PRKCB: variants seen among roughly 807,000 people sequenced by gnomAD.
PRKCB encodes the protein protein kinase C beta type.
In PRKCB, 13 loss-of-function variants were observed where a neutral mutation model predicts 81.5. That is an observed-to-expected ratio of 0.16 (90% CI 0.10 to 0.25). The LOEUF (loss-of-function observed/expected upper bound fraction) is 0.25. Ranked by LOEUF, PRKCB falls within the 10% of genes least tolerant of loss-of-function variation. The pLI is 1.00. For synonymous variants in PRKCB, 335 were observed against 321.4 expected (o/e 1.04, Z -0.45); for missense variants, 509 against 875.7 (o/e 0.58, Z 5.29).
At chr16:24,192,109 A>C (rs1277465920) in intron 16 of PRKCB, among the ~76,000 whole-genome samples, 1 of 152,274 alleles carries the variant, frequency 6.6e-6, no homozygotes, top group Non-Finnish European at 1.5e-5. Flanking sequence ...TTGAGTGTTA[A>C]GATGAAGAAG....
chr16:24,206,636 C>T (rs771688825), intron 16 of PRKCB, among the ~76,000 whole-genome samples: 3 of 152,194 alleles, frequency 2.0e-5, no homozygotes, highest in Non-Finnish European at 2.9e-5. Flanking sequence ...TCTTGCAGGT[C>T]CCACTCAAGT....
chr16:23,844,508 T>C (rs535454373), intron 2 of PRKCB, among the ~76,000 whole-genome samples: 1 of 152,304 alleles, frequency 6.6e-6, no homozygotes, highest in African/African-American at 2.4e-5. Context: ...ATTCTCCTTC[T>C]AAAAGTTCTT....
At chr16:23,931,391 G>A (rs561177356) in intron 2 of PRKCB, among the ~76,000 whole-genome samples, 1 of 152,324 alleles carries the variant, frequency 6.6e-6, no homozygotes, top group East Asian at 1.9e-4. Context: ...GTTTAAAATA[G>A]CCTGAGCTCA....
At chr16:23,946,946 T>A (rs1567322514) in intron 2 of PRKCB, among the ~76,000 whole-genome samples, 1 of 151,870 alleles carries the variant, frequency 6.6e-6, no homozygotes, top group Non-Finnish European at 1.5e-5. Flanking sequence ...ACCTCCACCT[T>A]CTAGGCTTAA....
intron 5 of PRKCB, among the ~76,000 whole-genome samples, chr16:24,065,067 A>G (rs1402682479): frequency 6.8e-6 from 1 of 148,144 alleles, no homozygotes; most frequent in Non-Finnish European, 1.5e-5. Flanking sequence ...ATAAATATAT[A>G]TATATTTTTC....
chr16:24,204,505 TA>T (rs2141989021), intron 16 of PRKCB, among the ~76,000 whole-genome samples: 1 of 152,228 alleles, frequency 6.6e-6, no homozygotes, highest in Admixed American at 6.5e-5. Context: ...ATCAAAGCTA[TA>T]AAAAGATAGG....
At chr16:23,945,789 A>C (rs1964198521) in intron 2 of PRKCB, among the ~76,000 whole-genome samples, 1 of 152,188 alleles carries the variant, frequency 6.6e-6, no homozygotes, top group Non-Finnish European at 1.5e-5. Context: ...AACAATGAAC[A>C]ACCCTGGTAT....
chr16:23,927,771 T>C (rs1963916529), intron 2 of PRKCB, among the ~76,000 whole-genome samples: 1 of 152,022 alleles, frequency 6.6e-6, no homozygotes, highest in Non-Finnish European at 1.5e-5. Context: ...GCTTGGGTAC[T>C]AGGTGCGCTG....
chr16:23,846,759 G>C (rs1165892039), intron 2 of PRKCB, among the ~76,000 whole-genome samples: 1 of 151,928 alleles, frequency 6.6e-6, no homozygotes, highest in African/African-American at 2.4e-5. Flanking sequence ...TGTGAACAGA[G>C]AAGGGAAGTT....
At chr16:24,027,881 C>T (rs1040845592) in intron 3 of PRKCB, among the ~76,000 whole-genome samples, 3 of 151,458 alleles carry the variant, frequency 2.0e-5, no homozygotes, top group Admixed American at 1.3e-4. Flanking sequence ...GTGATCCTCC[C>T]ACCTTGGCCT....
intron 8 of PRKCB, among the ~76,000 whole-genome samples, chr16:24,116,407 A>T (rs1210227372): frequency 6.6e-6 from 1 of 151,910 alleles, no homozygotes; most frequent in Non-Finnish European, 1.5e-5. Flanking sequence ...AAAAATATAT[A>T]TTTAAAAAAA....
chr16:23,856,385 T>C (rs901444466), intron 2 of PRKCB, among the ~76,000 whole-genome samples: 5 of 152,210 alleles, frequency 3.3e-5, no homozygotes, highest in Non-Finnish European at 7.3e-5. Flanking sequence ...TGAATTCTTC[T>C]ATGTATGTTT....
At position 24,106,029 on chromosome 16, in the gene PRKCB, T is replaced by A. The variant is rs533695103; in HGVS notation, c.822-6944T>A. 4.6e-5 allele frequency among the ~76,000 whole-genome samples: 7 copies of A among 152,062 alleles called. No homozygotes were observed. The East Asian group carries it at 1.2e-3, about 25-fold the overall frequency. On this transcript the variant is annotated intron_variant, in intron 7 of 16. Coordinates refer to ENST00000643927, the MANE Select transcript of PRKCB (RefSeq NM_002738.7). Reference sequence around the variant, plus strand: ...CTAAACAGATAACTATTATCTTAAATCAGTGTTATATTACTTTTTTTTAAA... The same window carrying A: ...CTAAACAGATAACTATTATCTTAAAACAGTGTTATATTACTTTTTTTTAAA...
chr16:23,871,604 G>A (rs1161926880), intron 2 of PRKCB, among the ~76,000 whole-genome samples: 1 of 151,792 alleles, frequency 6.6e-6, no homozygotes, highest in East Asian at 1.9e-4. Context: ...TTGAGACGGA[G>A]TCTCACTGTG....
At chr16:24,076,612 T>A (rs1366097977) in intron 5 of PRKCB, among the ~76,000 whole-genome samples, 1 of 152,186 alleles carries the variant, frequency 6.6e-6, no homozygotes, top group African/African-American at 2.4e-5. Context: ...AGGGTACAAG[T>A]GACAGAATTC....
chr16:23,873,034 A>T (rs3785402), intron 2 of PRKCB, among the ~76,000 whole-genome samples: 109,282 of 146,326 alleles, frequency 0.75, 40,389 homozygotes, highest in East Asian at 0.95. Context: ...AATAAAAAAT[A>T]AAAAAAAAAT....
intron 2 of PRKCB, among the ~76,000 whole-genome samples, chr16:23,843,961 GCA>G (rs149946845): frequency 1.5e-4 from 22 of 151,534 alleles, no homozygotes; most frequent in African/African-American, 3.4e-4. Context: ...CATCACACAT[GCA>G]CACACACACA....
rs1567417116 is a variant in PRKCB at position 24,218,245 on chromosome 16, G to A, written c.*3429G>A. ...ATTAAAGGATGCTAAAGTGTGACTT[G>A]TGGGGATTGGGAGAGAGATGCACAG... On this transcript the variant is annotated 3_prime_UTR_variant, in exon 17 of 17. Coordinates refer to ENST00000643927, the MANE Select transcript of PRKCB (RefSeq NM_002738.7). 18 of 985,398 alleles carry A rather than the reference G, an allele frequency of 1.8e-5. No homozygotes were observed. Among genetic ancestry groups the A allele is most frequent in the Non-Finnish European group, 2.0e-5 (17 of 829,940 alleles). The allele number at this position is 985,398 out of a possible 1,614,324, so 61.0% of individuals were successfully genotyped here. A position where few individuals can be genotyped will look rare whatever the true frequency, so the allele number is the denominator to read the frequency against.
chr16:24,180,702 A>G, intron 12 of PRKCB, 88 bp from the exon 13 acceptor site: 1 of 1,458,066 alleles, frequency 6.9e-7, no homozygotes, highest in East Asian at 2.4e-5. Flanking sequence ...AACACCTAAC[A>G]CAGTGTTTTA....
Sources: allele counts gnomAD v4.1 joint callset (sites outside exome capture counted in the v4.1 genomes callset), GRCh38; gene constraint gnomAD v4.1.1; transcripts MANE v1.5; gene names NCBI Gene and HGNC (gene_info 2026-07-23, HGNC 2026-07-21).